FBXL7: variants seen among roughly 807,000 people sequenced by gnomAD.
The protein encoded by FBXL7 is F-box/LRR-repeat protein 7.
FBXL7 carries 12 observed loss-of-function variants against 38.3 expected under a neutral mutation model. That is an observed-to-expected ratio of 0.31 (90% confidence interval 0.20 to 0.51). The LOEUF is 0.51. Ranked by LOEUF, FBXL7 falls within the 20% of genes least tolerant of loss-of-function variation. The pLI, the probability that FBXL7 is intolerant of heterozygous loss-of-function variation, is 0.98. For synonymous variants in FBXL7, 297 were observed against 300.9 expected (o/e 0.99, Z 0.13); for missense variants, 567 against 676.4 (o/e 0.84, Z 1.79).
chr5:15,766,071 C>T (rs1736582886), intron 2 of FBXL7, among the ~76,000 whole-genome samples: 1 of 99,644 alleles, frequency 1.0e-5, no homozygotes, highest in Admixed American at 1.1e-4. Context: ...TACCTACCTA[C>T]CTAACAGCAT....
chr5:15,567,996 T>C (rs1738643587), intron 1 of FBXL7, among the ~76,000 whole-genome samples: 1 of 152,210 alleles, frequency 6.6e-6, no homozygotes, highest in Non-Finnish European at 1.5e-5. Context: ...CAGTCTATCA[T>C]TGTTGGACAT....
chr5:15,911,605 G>T (rs1250369268), intron 2 of FBXL7, among the ~76,000 whole-genome samples: 46 of 78,798 alleles, frequency 5.8e-4, no homozygotes, highest in South Asian at 1.1e-3. Context: ...GGCGCTCTGC[G>T]TTTTAGAGTT....
At chr5:15,642,360 G>A (rs1741394452) in intron 2 of FBXL7, among the ~76,000 whole-genome samples, 2 of 152,168 alleles carry the variant, frequency 1.3e-5, no homozygotes, top group African/African-American at 4.8e-5. Context: ...CACACACACA[G>A]CCAACTTGAG....
chr5:15,612,209 G>C (rs746076128), intron 1 of FBXL7, among the ~76,000 whole-genome samples: 50 of 136,538 alleles, frequency 3.7e-4, no homozygotes, highest in Non-Finnish European at 6.9e-4. Context: ...GATTTCACTG[G>C]GGGTGGGGTA....
chr5:15,928,474 C>A lies in FBXL7; in HGVS notation c.712C>A (p.Pro238Thr), dbSNP rs369528694. ...EAVFDVVSLCPNLEHLDVSGC... is the reference protein window; with the variant it reads ...EAVFDVVSLCTNLEHLDVSGC... ...CGTCTTTGATGTGGTGTCCCTCTGC[C>A]CTAATCTGGAGCACCTGGATGTGTC... is the stretch of plus-strand genomic sequence containing the variant. The change falls in exon 3 of 4, where the codon CCT becomes ACT. Residue 238 changes from proline to threonine, a missense_variant. Pro to Thr is a conservative substitution (Grantham distance 38). Transcript: ENST00000504595. The surrounding 1 kb of genome is among the most constrained non-coding windows in gnomAD (Gnocchi z 4.0). 21 of 1,613,072 alleles carry A rather than the reference C, an allele frequency of 1.3e-5. No homozygotes were observed. The highest frequency in any genetic ancestry group is 1.8e-5 in the Non-Finnish European group (21 of 1,179,198).
intron 2 of FBXL7, among the ~76,000 whole-genome samples, chr5:15,655,532 T>A (rs982276059): frequency 4.6e-5 from 7 of 151,820 alleles, no homozygotes; most frequent in Non-Finnish European, 8.8e-5. Context: ...AGAAATATAA[T>A]TTTTGACTAA....
At chr5:15,791,093 G>A (rs1354864543) in intron 2 of FBXL7, among the ~76,000 whole-genome samples, 1 of 149,798 alleles carries the variant, frequency 6.7e-6, no homozygotes, top group South Asian at 2.1e-4. Context: ...GTTATTGCAT[G>A]TATCTAAGCC....
chr5:15,936,414 G>C lies in FBXL7; in HGVS notation c.740-36G>C. ...CCCAGGCGTGGCTCCCCTGCTGGCA[G>C]GTTGCTCTGAGCCTGTGTTCTGTCT... On this transcript the variant is annotated intron_variant, in intron 3 of 3. Coordinates refer to ENST00000504595, the MANE Select transcript of FBXL7 (RefSeq NM_012304.5). The surrounding 1 kb of genome is among the most constrained non-coding windows in gnomAD (Gnocchi z 6.0). 6.3e-7 allele frequency: 1 copy of C among 1,589,778 alleles called. No individual in the cohort carries two copies. The highest frequency in any genetic ancestry group is 8.6e-7 in the Non-Finnish European group (1 of 1,167,052).
chr5:15,604,441 AC>A (rs35252135), intron 1 of FBXL7, among the ~76,000 whole-genome samples: 23,105 of 151,744 alleles, frequency 0.15, 1,916 homozygotes, highest in Non-Finnish European at 0.18. Flanking sequence ...TGCAACTTCT[AC>A]CCCCCGGGTT....
rs190224785 is a variant in FBXL7, at chr5:15,937,373, C to G, written c.*187C>G. The G allele has an allele frequency of 1.2e-4, 82 of 686,270 alleles. No individual in the cohort carries two copies. The highest frequency in any genetic ancestry group is 4.2e-4 in the Middle Eastern group (1 of 2,404). The allele number at this position is 686,270 out of a possible 1,614,324, so 42.5% of individuals were successfully genotyped here. On this transcript the variant is annotated 3_prime_UTR_variant, in exon 4 of 4. Transcript: ENST00000504595. ...CAGAGGCCAAAGAAACGAAGCAAGA[C>G]AAACAGCAAACAGGCATTTTGGTCA...
At chr5:15,846,211 GTTC>G (rs1415741367) in intron 2 of FBXL7, among the ~76,000 whole-genome samples, 2 of 152,128 alleles carry the variant, frequency 1.3e-5, no homozygotes, top group African/African-American at 4.8e-5. Flanking sequence ...TTGTAATAGA[GTTC>G]TTCTTTCCAT....
intron 2 of FBXL7, among the ~76,000 whole-genome samples, chr5:15,660,360 G>T (rs1323514352): frequency 6.6e-6 from 1 of 152,164 alleles, no homozygotes; most frequent in Admixed American, 6.5e-5. Flanking sequence ...TAGCTTCATT[G>T]TAAATTTTCT....
intron 2 of FBXL7, among the ~76,000 whole-genome samples, chr5:15,740,906 C>T (rs573095835): frequency 6.6e-6 from 1 of 152,258 alleles, no homozygotes; most frequent in Admixed American, 6.5e-5. Context: ...GAGAAGAACA[C>T]AATCAATTTC....
At chr5:15,555,301 A>G (rs889882981) in intron 1 of FBXL7, among the ~76,000 whole-genome samples, 2 of 152,184 alleles carry the variant, frequency 1.3e-5, no homozygotes, top group African/African-American at 2.4e-5. Flanking sequence ...TTTCTTAGAA[A>G]TCAAAGGCCT....
At chr5:15,698,211 C>T (rs928606702) in intron 2 of FBXL7, among the ~76,000 whole-genome samples, 3 of 152,080 alleles carry the variant, frequency 2.0e-5, no homozygotes, top group Non-Finnish European at 4.4e-5. Context: ...GATGGCTATA[C>T]AGGATTTTTA....
At chr5:15,863,760 G>T (rs1739582140) in intron 2 of FBXL7, among the ~76,000 whole-genome samples, 1 of 152,144 alleles carries the variant, frequency 6.6e-6, no homozygotes, top group Admixed American at 6.5e-5. Context: ...TTCACCAAGA[G>T]AGCTGGTTGT....
intron 1 of FBXL7, among the ~76,000 whole-genome samples, chr5:15,599,080 G>A (rs147797115): frequency 1.3e-5 from 2 of 152,260 alleles, no homozygotes; most frequent in East Asian, 1.9e-4. Flanking sequence ...ACTGGTGGAC[G>A]TGATCACTTT....
intron 2 of FBXL7, among the ~76,000 whole-genome samples, chr5:15,691,398 C>A (rs912185116): frequency 6.6e-6 from 1 of 152,222 alleles, no homozygotes; most frequent in Non-Finnish European, 1.5e-5. Flanking sequence ...TCGAATGATG[C>A]CCATTCCGGT....
chr5:15,781,945 A>G (rs1485727353), intron 2 of FBXL7, among the ~76,000 whole-genome samples: 2 of 152,112 alleles, frequency 1.3e-5, no homozygotes, highest in Admixed American at 6.6e-5. Context: ...CCCGTCATCT[A>G]CATTAGGTAT....
Sources: gnomAD v4.1 joint callset for allele counts (sites outside exome capture counted in the v4.1 genomes callset) on GRCh38, gnomAD v4.1.1 for gene constraint, Gnocchi (gnomAD v3.1) non-coding constraint, MANE v1.5 for transcripts, NCBI Gene and HGNC (gene_info 2026-07-23, HGNC 2026-07-21) for gene names.